ATP8A1: variants seen among roughly 807,000 people sequenced by gnomAD.
ATP8A1 encodes the protein phospholipid-transporting ATPase IA.
ATP8A1 carries 90 observed loss-of-function variants against 177.7 expected under a neutral mutation model. The observed-to-expected ratio is 0.51, with a 90% CI of 0.43 to 0.60. The LOEUF (loss-of-function observed/expected upper bound fraction) is 0.60, where lower values mean the gene tolerates loss of function less well. Ranked by LOEUF, ATP8A1 falls within the 20% of genes least tolerant of loss-of-function variation. ATP8A1 has a pLI of 0.00. For synonymous variants in ATP8A1, 493 were observed against 485.9 expected (o/e 1.01, Z -0.19); for missense variants, 1,072 against 1,392.8 (o/e 0.77, Z 3.67).
intron 33 of ATP8A1, among the ~76,000 whole-genome samples, chr4:42,424,939 G>A (rs1714415576): frequency 6.6e-6 from 1 of 152,074 alleles, no homozygotes; most frequent in Admixed American, 6.5e-5. Flanking sequence ...ACACCAACAA[G>A]ATGAAAAATA....
At chr4:42,443,326 T>G (rs558427914) in intron 33 of ATP8A1, among the ~76,000 whole-genome samples, 3 of 152,330 alleles carry the variant, frequency 2.0e-5, no homozygotes, top group Middle Eastern at 3.4e-3. Flanking sequence ...CAACCATATT[T>G]TATTGTCTTG....
At chr4:42,587,535 T>C (rs1271202172) in intron 8 of ATP8A1, among the ~76,000 whole-genome samples, 1 of 151,930 alleles carries the variant, frequency 6.6e-6, no homozygotes, top group Non-Finnish European at 1.5e-5. Context: ...CTTGAACTCC[T>C]GACCTCGTGA....
At chr4:42,593,363 G>C (rs1432146882) in intron 6 of ATP8A1, among the ~76,000 whole-genome samples, 1 of 151,844 alleles carries the variant, frequency 6.6e-6, no homozygotes, top group African/African-American at 2.4e-5. Context: ...TATTTTTTCT[G>C]AAAACAAAAA....
At chr4:42,604,246 C>T (rs1168235732) in intron 5 of ATP8A1, among the ~76,000 whole-genome samples, 1 of 152,210 alleles carries the variant, frequency 6.6e-6, no homozygotes, top group Non-Finnish European at 1.5e-5. Flanking sequence ...ACCCCCAAAT[C>T]TAAATGAGCT....
chr4:42,467,693 G>C (rs894141838), intron 25 of ATP8A1, among the ~76,000 whole-genome samples: 11 of 152,032 alleles, frequency 7.2e-5, no homozygotes, highest in African/African-American at 2.7e-4. Flanking sequence ...ACTCCATCTC[G>C]GGAAAACAAA....
intron 1 of ATP8A1, among the ~76,000 whole-genome samples, chr4:42,637,654 C>G (rs1304400196): frequency 6.6e-5 from 10 of 152,210 alleles, no homozygotes; most frequent in African/African-American, 2.2e-4. Flanking sequence ...CATTTGGAAA[C>G]TGATAAAGTC....
At chr4:42,557,786 T>C (rs929335459) in intron 15 of ATP8A1, among the ~76,000 whole-genome samples, 5 of 152,166 alleles carry the variant, frequency 3.3e-5, no homozygotes, top group African/African-American at 1.2e-4. Context: ...CTTATGTCTG[T>C]AATCCCAGCA....
At chr4:42,630,663 G>A (rs535584855) in intron 1 of ATP8A1, among the ~76,000 whole-genome samples, 13 of 152,120 alleles carry the variant, frequency 8.5e-5, no homozygotes, top group Non-Finnish European at 7.3e-5. Flanking sequence ...CTATTTAACG[G>A]AAATGGACTT....
chr4:42,442,313 T>C (rs1202216719), intron 33 of ATP8A1, among the ~76,000 whole-genome samples: 1 of 152,156 alleles, frequency 6.6e-6, no homozygotes, highest in African/African-American at 2.4e-5. Context: ...GCACATCAGA[T>C]AAAAACAAAG....
chr4:42,446,226 G>A (rs954595472), intron 31 of ATP8A1, among the ~76,000 whole-genome samples: 5 of 151,910 alleles, frequency 3.3e-5, no homozygotes, highest in Non-Finnish European at 2.9e-5. Flanking sequence ...CTCTGCTTTC[G>A]CATTCATGTC....
chr4:42,520,586 A>C (rs1269904086), intron 22 of ATP8A1, among the ~76,000 whole-genome samples: 1 of 152,108 alleles, frequency 6.6e-6, no homozygotes, highest in Non-Finnish European at 1.5e-5. Context: ...AGTGGGGAAG[A>C]TAGGCAAGAG....
intron 1 of ATP8A1, among the ~76,000 whole-genome samples, chr4:42,641,787 T>C (rs1445806885): frequency 6.6e-6 from 1 of 152,196 alleles, no homozygotes; most frequent in Non-Finnish European, 1.5e-5. Context: ...TTTAGAGCTA[T>C]TTACACATTT....
chr4:42,414,946 T>C, intron 35 of ATP8A1: 1 of 495,118 alleles, frequency 2.0e-6, no homozygotes. Context: ...CAATAATCCT[T>C]CTCCCAGTAA....
At position 42,538,196 on chromosome 4, in the gene ATP8A1, G is replaced by A. The variant is rs545940332; in HGVS notation, c.1722+5721C>T. ...GGCACCCTATTCAACAAATGGTGCTGGGATAGTTGGCAAGTCACATGTAGA... is the reference window on the plus strand; with the variant it reads ...GGCACCCTATTCAACAAATGGTGCTAGGATAGTTGGCAAGTCACATGTAGA... On this transcript the variant is annotated intron_variant, in intron 20 of 36. Coordinates refer to ENST00000381668, the MANE Select transcript of ATP8A1 (RefSeq NM_006095.2). Among the ~76,000 whole-genome samples, 4 of 152,280 alleles carry A rather than the reference G, an allele frequency of 2.6e-5. No homozygotes were observed. The South Asian group carries it at 8.3e-4, about 32-fold the overall frequency.
intron 23 of ATP8A1, among the ~76,000 whole-genome samples, chr4:42,506,391 G>A (rs1724368816): frequency 6.6e-6 from 1 of 152,164 alleles, no homozygotes; most frequent in African/African-American, 2.4e-5. Flanking sequence ...CAAATCTGCT[G>A]GTGCCTTAAC....
chr4:42,438,034 C>T (rs1716185409), intron 33 of ATP8A1, among the ~76,000 whole-genome samples: 1 of 148,894 alleles, frequency 6.7e-6, no homozygotes, highest in Admixed American at 6.7e-5. Context: ...CTAAGTACTT[C>T]GATGGGTGGC....
At chr4:42,584,111 ACT>A (rs1187603795) in intron 9 of ATP8A1, among the ~76,000 whole-genome samples, 1 of 152,126 alleles carries the variant, frequency 6.6e-6, no homozygotes, top group Non-Finnish European at 1.5e-5. Flanking sequence ...GAATTCAAAC[ACT>A]CTAATAATGC....
chr4:42,543,422 A>G (rs77911596), intron 20 of ATP8A1, among the ~76,000 whole-genome samples: 2,140 of 152,312 alleles, frequency 0.014, 40 homozygotes, highest in Non-Finnish European at 0.021. Context: ...TTAGAATAAC[A>G]TATTACTATT....
chr4:42,530,438 A>G (rs1727147106), intron 20 of ATP8A1, among the ~76,000 whole-genome samples: 2 of 152,226 alleles, frequency 1.3e-5, no homozygotes, highest in Non-Finnish European at 2.9e-5. Flanking sequence ...TTCTGCCAAG[A>G]CTACCATCTG....
Sources: gnomAD v4.1 joint callset for allele counts (sites outside exome capture counted in the v4.1 genomes callset) on GRCh38, gnomAD v4.1.1 for gene constraint, MANE v1.5 for transcripts, NCBI Gene and HGNC (gene_info 2026-07-23, HGNC 2026-07-21) for gene names.